Variants in YIF1B observed in about 807,000 individuals in gnomAD.
The protein encoded by YIF1B is protein YIF1B.
In YIF1B, 24 loss-of-function variants were observed where a neutral mutation model predicts 34.6. The ratio of observed to expected loss-of-function variants is 0.69; its 90% CI spans 0.50 to 0.98. YIF1B has a LOEUF of 0.98. Ranked by LOEUF, YIF1B falls within the 50% of genes least tolerant of loss-of-function variation. The pLI is 0.00. For synonymous variants in YIF1B, 186 were observed against 184.8 expected (o/e 1.01, Z -0.05); for missense variants, 368 against 429.4 (o/e 0.86, Z 1.26).
chr19:38,306,537 C>T (rs1969046957), intron 7 of YIF1B, among the ~76,000 whole-genome samples: 1 of 151,964 alleles, frequency 6.6e-6, no homozygotes, highest in Non-Finnish European at 1.5e-5. Flanking sequence ...AGACTTAAGT[C>T]AAAGTTTATC....
chr19:38,305,928 G>A (rs1969004427), intron 7 of YIF1B, among the ~76,000 whole-genome samples: 1 of 147,514 alleles, frequency 6.8e-6, no homozygotes. Flanking sequence ...CTCTGGCCTG[G>A]TGCGTTGGCT....
Position 38,315,938 on chromosome 19 carries a change from G to T in YIF1B, c.-21C>A, listed in dbSNP as rs1412699514. On this transcript the variant is annotated 5_prime_UTR_variant, in exon 1 of 8. Transcript: ENST00000339413. ...TGCATCCTTCGCCGCCGCCACCTAA[G>T]CCGCGGTTCGGAGCGTGCCCGCCCG... 2.8e-6 allele frequency: 4 copies of T among 1,433,562 alleles called. No homozygotes were observed. Among genetic ancestry groups the T allele is most frequent in the Non-Finnish European group, 3.6e-6 (4 of 1,102,538 alleles). The allele number at this position is 1,433,562 out of a possible 1,614,324, so 88.8% of individuals were successfully genotyped here. A position where few individuals can be genotyped will look rare whatever the true frequency, so the allele number is the denominator to read the frequency against.
rs1436912719 is a variant in YIF1B, at chr19:38,309,431, G to A, written c.271C>T (p.Gln91Ter). The A allele has an allele frequency of 6.2e-7, 1 of 1,613,564 alleles. No homozygotes were observed. The highest frequency in any genetic ancestry group is 1.1e-5 in the South Asian group (1 of 91,066). Residue 91 changes from glutamine to a stop codon, truncating the protein, a stop_gained, in exon 2 of 8, where the codon CAG becomes TAG. Coordinates refer to ENST00000339413, the MANE Select transcript of YIF1B (RefSeq NM_001039672.3). LOFTEE classifies it high-confidence loss of function. ...TTCTTATCCACCAGCTCCTTGCCCT[G>A]CGCGGCCAGGCTGCTCCCATAGGCC... is the stretch of plus-strand genomic sequence containing the variant. Reference protein sequence around the residue: ...AMAYGSSLAAQGKELVDKNID... With the variant: ...AMAYGSSLAA
chr19:38,316,554 G>A (rs1600414213), upstream of YIF1B, among the ~76,000 whole-genome samples: 1 of 152,146 alleles, frequency 6.6e-6, no homozygotes, highest in South Asian at 2.1e-4. Flanking sequence ...GCAGACAGCC[G>A]TTCAGTTTGG....
intron 7 of YIF1B, chr19:38,306,600 A>G (rs564025915): frequency 5.6e-5 from 11 of 197,882 alleles, no homozygotes; most frequent in African/African-American, 2.6e-4. Flanking sequence ...TGCTTCTCAC[A>G]TGCTCACAGT....
Position 38,305,269 on chromosome 19 carries a change from G to A in YIF1B, c.*83C>T. 1 of 1,527,230 alleles carries A rather than the reference G, an allele frequency of 6.5e-7. No individual in the cohort carries two copies. Among genetic ancestry groups the A allele is most frequent in the Non-Finnish European group, 8.8e-7 (1 of 1,135,794 alleles). The allele number at this position is 1,527,230 out of a possible 1,614,324, so 94.6% of individuals were successfully genotyped here. ...CCTGTGGCCAGACAGGGTGGACCTT[G>A]GGGCCTGCAGGCAGGAGATGAGTTC... On this transcript the variant is annotated 3_prime_UTR_variant, in exon 8 of 8. Transcript: ENST00000339413.
chr19:38,315,374 A>C, intron 1 of YIF1B: 2 of 1,136,896 alleles, frequency 1.8e-6, no homozygotes, highest in Non-Finnish European at 2.2e-6. Flanking sequence ...GACACATGGG[A>C]GTTGAGACAA....
chr19:38,313,889 C>T (rs1969425488), intron 1 of YIF1B, among the ~76,000 whole-genome samples: 1 of 152,280 alleles, frequency 6.6e-6, no homozygotes, highest in Admixed American at 6.5e-5. Flanking sequence ...CTGTAATGCA[C>T]TAACCTCGTC....
intron 1 of YIF1B, among the ~76,000 whole-genome samples, chr19:38,312,393 C>T (rs1051217989): frequency 2.6e-5 from 4 of 151,866 alleles, no homozygotes; most frequent in Admixed American, 1.3e-4. Context: ...CCAGCCTGGG[C>T]GACACAGCAA....
At chr19:38,307,812 C>T in intron 5 of YIF1B, 60 bp from the exon 6 acceptor site, 2 of 1,587,918 alleles carry the variant, frequency 1.3e-6, no homozygotes, top group Admixed American at 3.5e-5. Context: ...CCCCAGCACC[C>T]ATCTGGGGAC....
intron 7 of YIF1B, 33 bp downstream of exon 7, chr19:38,307,395 G>A (rs374464850): frequency 2.4e-5 from 38 of 1,610,440 alleles, no homozygotes; most frequent in Non-Finnish European, 2.7e-5. Flanking sequence ...GGGCACCTGT[G>A]CCTCAGCCTC....
intron 4 of YIF1B, 44 bp from the exon 5 acceptor site, chr19:38,308,893 C>T: frequency 6.2e-7 from 1 of 1,613,722 alleles, no homozygotes; most frequent in Non-Finnish European, 8.5e-7. Flanking sequence ...AGAGGAAGAA[C>T]TGCCCTGGGC....
upstream of YIF1B, among the ~76,000 whole-genome samples, chr19:38,321,323 C>G (rs765245651): frequency 6.6e-5 from 10 of 152,198 alleles, no homozygotes; most frequent in Non-Finnish European, 1.3e-4. Context: ...CAACTCTGAC[C>G]CCAGACACAA....
chr19:38,315,365 A>T (rs181651105), intron 1 of YIF1B: 15 of 1,125,744 alleles, frequency 1.3e-5, no homozygotes, highest in Non-Finnish European at 1.5e-5. Context: ...ACAGGGCCTG[A>T]CACATGGGAG....
At position 38,315,871 on chromosome 19, in the gene YIF1B, A is replaced by AGCCGGGGCGTCCCCGCAGCC. The variant is rs1400283887; in HGVS notation, c.27_46dup (p.Leu16ArgfsTer51). On this transcript the variant is annotated frameshift_variant, in exon 1 of 8. Coordinates refer to ENST00000339413, the MANE Select transcript of YIF1B (RefSeq NM_001039672.3). LOFTEE classifies it high-confidence loss of function. ...CGCCGGCCACGTACGCCACTTACGC[A>AGCCGGGGCGTCCCCGCAGCC]GCCGGGGCGTCCCCGCAGCCGCCGC... 37 of 1,490,386 alleles carry AGCCGGGGCGTCCCCGCAGCC rather than the reference A, an allele frequency of 2.5e-5. No individual in the cohort carries two copies. The highest frequency in any genetic ancestry group is 3.3e-5 in the Non-Finnish European group (37 of 1,129,522). 92.3% of individuals were successfully genotyped at this position (1,490,386 alleles called of 1,614,324 possible).
chr19:38,320,047 G>A (rs1436794960), upstream of YIF1B: 2 of 1,503,906 alleles, frequency 1.3e-6, no homozygotes, highest in African/African-American at 1.4e-5. Context: ...GGGGCCGCAC[G>A]AAGCCAGGCT....
rs527437653 is a variant in YIF1B at position 38,309,493 on chromosome 19, G to T, written c.209C>A (p.Ala70Glu). Residue 70 changes from alanine (A) to glutamate (E), a missense_variant, in exon 2 of 8, where the codon GCA becomes GAA. By Grantham distance (107) the Ala-to-Glu change is moderately radical. Transcript: ENST00000339413. ...SYPAASPTPH[A>E]AFLADPVSNM... ...GGACACCGGGTCAGCCAGGAAGGCTGCATGGGGCGTGGGAGAGGCTGCAGG... is the reference window on the plus strand; with the variant it reads ...GGACACCGGGTCAGCCAGGAAGGCTTCATGGGGCGTGGGAGAGGCTGCAGG... 6.2e-7 allele frequency: 1 copy of T among 1,613,464 alleles called. No individual in the cohort carries two copies. The highest frequency in any genetic ancestry group is 8.5e-7 in the Non-Finnish European group (1 of 1,179,822).
At position 38,305,552 on chromosome 19, in the gene YIF1B, C is replaced by T. The variant is rs763265295; in HGVS notation, c.790-45G>A. The T allele has an allele frequency of 3.2e-6, 5 of 1,562,350 alleles. No individual in the cohort carries two copies. In the African/African-American group the frequency reaches 5.4e-5, roughly 17 times the overall value. Reference sequence around the variant, plus strand: ...AGGAACCAAGGGATTTACCCTTGAGCCCTCTGGGCCAGAGTGAGAGCCCGG... The same window carrying T: ...AGGAACCAAGGGATTTACCCTTGAGTCCTCTGGGCCAGAGTGAGAGCCCGG... On this transcript the variant is annotated intron_variant, in intron 7 of 7. Transcript: ENST00000339413.
chr19:38,318,875 G>A (rs1181427087), upstream of YIF1B, among the ~76,000 whole-genome samples: 4 of 152,134 alleles, frequency 2.6e-5, no homozygotes, highest in African/African-American at 9.7e-5. Flanking sequence ...GAGACTTACG[G>A]GGGGGCGCAG....
Sources: gnomAD v4.1 joint callset for allele counts (sites outside exome capture counted in the v4.1 genomes callset) on GRCh38, gnomAD v4.1.1 for gene constraint, MANE v1.5 for transcripts, NCBI Gene and HGNC (gene_info 2026-07-23, HGNC 2026-07-21) for gene names.